ABCA3: variants seen among roughly 807,000 people sequenced by gnomAD.
ABCA3 encodes the protein ATP binding cassette subfamily A member 3.
In ABCA3, 88 loss-of-function variants were observed where a neutral mutation model predicts 172.8. The observed-to-expected ratio is 0.51, with a 90% confidence interval of 0.43 to 0.61. The LOEUF is 0.61. ABCA3 is among the 20% of genes least tolerant of loss of function. The probability of loss-of-function intolerance (pLI) is 0.00; values close to 1 mark genes in which losing one functional copy is unlikely to be tolerated. For missense variants in ABCA3, 2,164 were observed against 2,301.0 expected, an observed-to-expected ratio of 0.94 and a Z score of 1.22; for synonymous variants, 1,066 against 983.8, an observed-to-expected ratio of 1.08 and a Z score of -1.56.
chr16:2,288,904 C>T (rs907869849), intron 20 of ABCA3: 1 of 180,938 alleles, frequency 5.5e-6, no homozygotes, highest in South Asian at 1.2e-4. Flanking sequence ...CCTGCCCTCC[C>T]CCTGCCACAA....
At chr16:2,309,698 GC>G (rs1190824164) in intron 10 of ABCA3, among the ~76,000 whole-genome samples, 2 of 152,120 alleles carry the variant, frequency 1.3e-5, no homozygotes, top group African/African-American at 4.8e-5. Context: ...GCTCACTGCA[GC>G]CTCCACCTCC....
At chr16:2,319,058 G>A (rs574810333) in intron 8 of ABCA3, among the ~76,000 whole-genome samples, 31 of 152,082 alleles carry the variant, frequency 2.0e-4, no homozygotes, top group African/African-American at 7.2e-4. Flanking sequence ...GAACAACTGG[G>A]CAGCCTCAAA....
rs2093662754 is a variant in ABCA3 at position 2,286,088 on chromosome 16, G to A, written c.3279-442C>T. Among the ~76,000 whole-genome samples, 1 of 152,252 alleles carries A rather than the reference G, an allele frequency of 6.6e-6. No individual in the cohort carries two copies. Among genetic ancestry groups the A allele is most frequent in the Admixed American group, 6.5e-5 (1 of 15,286 alleles). On this transcript the variant is annotated intron_variant, in intron 22 of 32. Transcript: ENST00000301732. The surrounding 1 kb of genome is among the most constrained non-coding windows in gnomAD (Gnocchi z 5.2). ...TCTTGGGGCAGGGATGGAGCCAGAA[G>A]CTGGGACGCAGCCATCGCCAGGCCT...
chr16:2,304,191 C>G (rs370459213), intron 11 of ABCA3, 41 bp from the exon 12 acceptor site: 250 of 1,612,954 alleles, frequency 1.5e-4, no homozygotes, highest in Non-Finnish European at 2.0e-4. Context: ...AGCCAGCAGG[C>G]TGGGGGGCCC....
rs144653790 is a variant in ABCA3 at position 2,319,717 on chromosome 16, G to A, written c.737C>T (p.Pro246Leu). The change falls in exon 8 of 33, where the codon CCG (proline) becomes CTG (leucine). Residue 246 changes from proline to leucine, a missense_variant. Pro to Leu is a moderately conservative substitution (Grantham distance 98, BLOSUM62 -3). Coordinates refer to ENST00000301732, the MANE Select transcript of ABCA3 (RefSeq NM_001089.3). ...GGGGTCTGCGATGAACGGCGGGTAC[G>A]GGAACCTCTTGATGGTCACCGTCAG... ...QRLTVTIKRFPYPPFIADPFL... is the reference protein window; with the variant it reads ...QRLTVTIKRFLYPPFIADPFL... 7.4e-6 allele frequency: 12 copies of A among 1,613,624 alleles called. No individual in the cohort carries two copies. The highest frequency in any genetic ancestry group is 2.2e-5 in the East Asian group (1 of 44,878).
chr16:2,280,109 C>G (rs2093652769), intron 28 of ABCA3, among the ~76,000 whole-genome samples: 1 of 152,208 alleles, frequency 6.6e-6, no homozygotes, highest in Non-Finnish European at 1.5e-5. Flanking sequence ...GCTACTACCC[C>G]CTGCCACTCT....
At chr16:2,321,853 G>A (rs1347590299) in intron 7 of ABCA3, among the ~76,000 whole-genome samples, 2 of 152,114 alleles carry the variant, frequency 1.3e-5, no homozygotes, top group Non-Finnish European at 2.9e-5. Flanking sequence ...AGAAGGCCCG[G>A]CAGAAAAAGA....
chr16:2,295,843 G>A, intron 17 of ABCA3, 103 bp from the exon 18 acceptor site: 1 of 1,522,288 alleles, frequency 6.6e-7, no homozygotes, highest in South Asian at 1.1e-5. Context: ...TGGTGGGAAG[G>A]AGGCTAGAGA....
Position 2,284,472 on chromosome 16 carries a change from G to A in ABCA3, c.3704-35C>T, listed in dbSNP as rs1323432479. The A allele has an allele frequency of 6.2e-7, 1 of 1,612,626 alleles. No homozygotes were observed. The highest frequency in any genetic ancestry group is 1.3e-5 in the African/African-American group (1 of 74,912). ...GGAGGTAAGATCAGTCTGCGCTGGA[G>A]GGCACACCACACCCACCTCCAGGAC... On this transcript the variant is annotated intron_variant, in intron 24 of 32. Coordinates refer to ENST00000301732, the MANE Select transcript of ABCA3 (RefSeq NM_001089.3). The surrounding 1 kb of genome is among the most constrained non-coding windows in gnomAD (Gnocchi z 5.9).
chr16:2,286,158 G>A lies in ABCA3; in HGVS notation c.3279-512C>T, dbSNP rs538655213. 1.1e-4 allele frequency among the ~76,000 whole-genome samples: 17 copies of A among 152,360 alleles called. No individual in the cohort carries two copies. In the East Asian group the frequency reaches 2.1e-3, roughly 19 times the overall value. On this transcript the variant is annotated intron_variant, in intron 22 of 32. Coordinates refer to ENST00000301732, the MANE Select transcript of ABCA3 (RefSeq NM_001089.3). The surrounding 1 kb of genome is among the most constrained non-coding windows in gnomAD (Gnocchi z 5.2). ...GGTGGAGACGACACTGCCCTGAGGA[G>A]GAGTGGCTATTCTGAAATTAACAGA...
Position 2,278,959 on chromosome 16 carries a change from G to C in ABCA3, c.4531C>G (p.Leu1511Val), listed in dbSNP as rs2093650968. The stretch of plus-strand genomic sequence containing the variant: ...GAGGTGCACCTGTACGTCCTGACCA[G>C]CTTGTTGGCATGTGGCTCCAGCAGC... ...GLLLEPHANK[L>V]VRTYSGGNKR... The change falls in exon 29 of 33, where the codon CTG becomes GTG. Residue 1511 changes from leucine to valine, a missense_variant. Leu to Val is a conservative substitution (Grantham distance 32). Around this residue, in one of 3 missense-constraint regions of ABCA3, gnomAD observed 795 missense variants for 881.9 expected, o/e 0.90. Transcript: ENST00000301732. This position sits in a 1 kb window ranked among gnomAD's most constrained non-coding sequence, Gnocchi z 4.4. 6.2e-7 allele frequency: 1 copy of C among 1,613,606 alleles called. No individual in the cohort carries two copies.
In ABCA3 at chr16:2,304,040, C is replaced by T; in HGVS notation, c.1396G>A (p.Val466Met). Reference sequence around the variant, plus strand: ...AAGACGGCCTCCATGTACCAGGTCACCAGGCCATAGAGCACAGAGTCCAGC... The same window carrying T: ...AAGACGGCCTCCATGTACCAGGTCATCAGGCCATAGAGCACAGAGTCCAGC... ...LLLDSVLYGL[V>M]TWYMEAVFPG... The change falls in exon 12 of 33, where the codon GTG (valine) becomes ATG (methionine). Residue 466 changes from valine (V) to methionine (M), a missense_variant. Around this residue, in one of 3 missense-constraint regions of ABCA3, gnomAD observed 1,343 missense variants for 1,369.6 expected, o/e 0.98. Transcript: ENST00000301732. The T allele has an allele frequency of 6.2e-7, 1 of 1,614,176 alleles. No homozygotes were observed. The highest frequency in any genetic ancestry group is 1.1e-5 in the South Asian group (1 of 91,078).
intron 6 of ABCA3, among the ~76,000 whole-genome samples, chr16:2,324,165 C>T (rs759626149): frequency 1.3e-5 from 2 of 152,174 alleles, no homozygotes; most frequent in Non-Finnish European, 1.5e-5. Flanking sequence ...GAGCTTGGGG[C>T]GGCCACAGGC....
Position 2,308,447 on chromosome 16 carries a change from C to T in ABCA3, c.1285+3G>A, listed in dbSNP as rs370132000. The T allele has an allele frequency of 1.2e-6, 2 of 1,614,016 alleles. No individual in the cohort carries two copies. The highest frequency in any genetic ancestry group is 1.7e-5 in the Admixed American group (1 of 59,996). ...GAACAGGCTGGACAAGGCAAACACT[C>T]ACCTTTCGCCTCAAATTTCCCAATG... On this transcript the variant is annotated splice_donor_region_variant and intron_variant, in intron 11 of 32. Coordinates refer to ENST00000301732, the MANE Select transcript of ABCA3 (RefSeq NM_001089.3).
At chr16:2,308,073 T>C (rs2093700601) in intron 11 of ABCA3, among the ~76,000 whole-genome samples, 1 of 152,076 alleles carries the variant, frequency 6.6e-6, no homozygotes, top group Non-Finnish European at 1.5e-5. Flanking sequence ...TATAAAATAT[T>C]TAAAATAAAA....
intron 10 of ABCA3, among the ~76,000 whole-genome samples, chr16:2,317,012 C>T (rs762809234): frequency 3.3e-5 from 5 of 152,214 alleles, no homozygotes; most frequent in Admixed American, 6.5e-5. Flanking sequence ...TGCACATGGC[C>T]GGGCTCACTG....
At position 2,287,974 on chromosome 16, in the gene ABCA3, G is replaced by T. The variant is rs1300672204; in HGVS notation, c.3004+52C>A. The T allele has an allele frequency of 1.9e-6, 3 of 1,589,144 alleles. No individual in the cohort carries two copies. In the Admixed American group the frequency reaches 5.0e-5, roughly 27 times the overall value. The stretch of plus-strand genomic sequence containing the variant: ...GCTGCAGTCAGGAAGGCGAACTCTG[G>T]CTGCAGGACTGGCCCCCGATGCCCC... On this transcript the variant is annotated intron_variant, in intron 21 of 32. Coordinates refer to ENST00000301732, the MANE Select transcript of ABCA3 (RefSeq NM_001089.3). The surrounding 1 kb of genome is among the most constrained non-coding windows in gnomAD (Gnocchi z 4.1).
Position 2,288,266 on chromosome 16 carries a change from C to T in ABCA3, c.2764G>A (p.Glu922Lys), listed in dbSNP as rs778380541. Residue 922 changes from glutamate (E) to lysine (K), a missense_variant, in exon 21 of 33, where the codon GAG becomes AAG. By Grantham distance (56) the Glu-to-Lys change is moderately conservative (BLOSUM62 1). Around this residue, in one of 3 missense-constraint regions of ABCA3, gnomAD observed 1,343 missense variants for 1,369.6 expected, o/e 0.98. Transcript: ENST00000301732. ...ACCTGTGCCGCCACCATTTTCCACT[C>T]GCGCCAGCTGTATGCGGCCTTCTTC... ...FLKKAAYSWR[E>K]WKMVAAQVLV... 7.6e-6 allele frequency: 12 copies of T among 1,588,260 alleles called. No individual in the cohort carries two copies. Among genetic ancestry groups the T allele is most frequent in the South Asian group, 3.4e-5 (3 of 87,790 alleles).
intron 17 of ABCA3, among the ~76,000 whole-genome samples, chr16:2,296,868 T>C (rs1157991800): frequency 6.6e-6 from 1 of 152,056 alleles, no homozygotes; most frequent in African/African-American, 2.4e-5. Context: ...CGTTGGAATG[T>C]GGGGGACGCT....
Sources: allele counts gnomAD v4.1 joint callset (sites outside exome capture counted in the v4.1 genomes callset), GRCh38; gene constraint gnomAD v4.1.1; regional missense constraint gnomAD v4.1.1; non-coding constraint Gnocchi (gnomAD v3.1); transcripts MANE v1.5; gene names NCBI Gene and HGNC (gene_info 2026-07-23, HGNC 2026-07-21).